CTTNBP2NL: variants seen among roughly 807,000 people sequenced by gnomAD.
The protein encoded by CTTNBP2NL is CTTNBP2 N-terminal-like protein.
CTTNBP2NL carries 16 observed loss-of-function variants against 32.5 expected under a neutral mutation model. The ratio of observed to expected loss-of-function variants is 0.49; its 90% CI spans 0.33 to 0.75. CTTNBP2NL has a LOEUF of 0.75. CTTNBP2NL is among the 30% of genes least tolerant of loss of function. The pLI is 0.02. For missense variants in CTTNBP2NL, 645 were observed against 756.0 expected (o/e 0.85, Z 1.72); for synonymous variants, 298 against 289.4 (o/e 1.03, Z -0.30).
intron 1 of CTTNBP2NL, among the ~76,000 whole-genome samples, chr1:112,406,944 T>C (rs766142211): frequency 6.6e-6 from 1 of 152,232 alleles, no homozygotes; most frequent in Non-Finnish European, 1.5e-5. Flanking sequence ...GTTGGCAGTA[T>C]TGAATAAACA....
At position 112,456,461 on chromosome 1, in the gene CTTNBP2NL, T is replaced by G; in HGVS notation, c.969T>G (p.His323Gln). ...QTESFPAERT[H>Q]GSNIAKMTNT... ...AGAGTTTTCCAGCAGAAAGAACCCA[T>G]GGGAGCAACATAGCCAAGATGACAA... Residue 323 changes from histidine to glutamine, a missense_variant, in exon 6 of 6, where the codon CAT (histidine) becomes CAG (glutamine). His to Gln is a conservative substitution (Grantham distance 24). Coordinates refer to ENST00000271277, the MANE Select transcript of CTTNBP2NL (RefSeq NM_018704.3). The G allele has an allele frequency of 6.2e-7, 1 of 1,614,086 alleles. No homozygotes were observed. Among genetic ancestry groups the G allele is most frequent in the Non-Finnish European group, 8.5e-7 (1 of 1,180,010 alleles).
chr1:112,416,276 GA>G lies in CTTNBP2NL; in HGVS notation c.99+23del, dbSNP rs370406156. On this transcript the variant is annotated intron_variant, in intron 3 of 5. Coordinates refer to ENST00000271277, the MANE Select transcript of CTTNBP2NL (RefSeq NM_018704.3). ...TAGAAGCCTTAAAGGTATGTTAAAAGAAAAAAAAAAAGAGGTCATCATACAT... is the reference window on the plus strand; with the variant it reads ...TAGAAGCCTTAAAGGTATGTTAAAAGAAAAAAAAAAGAGGTCATCATACAT... The G allele has an allele frequency of 0.036, 33,522 of 930,536 alleles. 280 individuals are homozygous for G. The highest frequency in any genetic ancestry group is 0.12 in the African/African-American group (6,744 of 56,290). 57.6% of individuals were successfully genotyped at this position (930,536 alleles called of 1,614,324 possible).
chr1:112,403,924 A>G (rs1450637167), intron 1 of CTTNBP2NL, among the ~76,000 whole-genome samples: 1 of 152,242 alleles, frequency 6.6e-6, no homozygotes, highest in Non-Finnish European at 1.5e-5. Flanking sequence ...GACAATGATG[A>G]CCCATTGGAA....
intron 1 of CTTNBP2NL, among the ~76,000 whole-genome samples, chr1:112,409,129 A>G (rs1216354726): frequency 6.9e-6 from 1 of 145,472 alleles, no homozygotes; most frequent in Non-Finnish European, 1.5e-5. Flanking sequence ...CTCTGTCTCA[A>G]AAAAAAAAAA....
At chr1:112,417,147 AT>A (rs1649091266) in intron 3 of CTTNBP2NL, among the ~76,000 whole-genome samples, 1 of 152,120 alleles carries the variant, frequency 6.6e-6, no homozygotes, top group Non-Finnish European at 1.5e-5. Flanking sequence ...TTTCTCTTTT[AT>A]AGTTTTACCG....
chr1:112,425,436 A>G (rs1332201394), intron 3 of CTTNBP2NL, among the ~76,000 whole-genome samples: 2 of 152,140 alleles, frequency 1.3e-5, no homozygotes, highest in Non-Finnish European at 2.9e-5. Context: ...GCGCCACCGC[A>G]CTCCAACCTG....
Position 112,456,278 on chromosome 1 carries a change from C to G in CTTNBP2NL, c.786C>G (p.Thr262=), listed in dbSNP as rs1650359813. ...ACCGAGAAGAGAACCGGACCAAAACCCTGAAAGAAGAAATGGAAAGTTTAA... is the reference window on the plus strand; with the variant it reads ...ACCGAGAAGAGAACCGGACCAAAACGCTGAAAGAAGAAATGGAAAGTTTAA... The part of the protein sequence containing the change: ...KLNREENRTK[T]LKEEMESLKK... The change falls in exon 6 of 6, where the codon ACC becomes ACG. Residue 262 remains threonine, a synonymous_variant. Coordinates refer to ENST00000271277, the MANE Select transcript of CTTNBP2NL (RefSeq NM_018704.3). The G allele has an allele frequency of 1.9e-6, 3 of 1,613,880 alleles. No homozygotes were observed. The highest frequency in any genetic ancestry group is 1.7e-5 in the Admixed American group (1 of 59,970).
At chr1:112,398,322 G>A (rs2492506) in intron 1 of CTTNBP2NL, among the ~76,000 whole-genome samples, 71,033 of 151,966 alleles carry the variant, frequency 0.47, 18,394 homozygotes, top group African/African-American at 0.7. Context: ...GTCATGCTAG[G>A]TGAAGAAAAG....
At chr1:112,406,542 G>A (rs939693601) in intron 1 of CTTNBP2NL, among the ~76,000 whole-genome samples, 4 of 152,164 alleles carry the variant, frequency 2.6e-5, no homozygotes, top group Non-Finnish European at 5.9e-5. Context: ...TGATGAATTT[G>A]TTGGGGATGG....
intron 1 of CTTNBP2NL, among the ~76,000 whole-genome samples, chr1:112,411,844 G>A (rs115804864): frequency 0.018 from 2,672 of 152,222 alleles, 81 homozygotes; most frequent in African/African-American, 0.061. Context: ...CACCACGCCC[G>A]GCTAAATCTA....
chr1:112,408,866 C>T (rs562253480), intron 1 of CTTNBP2NL, among the ~76,000 whole-genome samples: 1 of 152,118 alleles, frequency 6.6e-6, no homozygotes, highest in East Asian at 1.9e-4. Flanking sequence ...GTGGCTCACA[C>T]CTATAATCCC....
At chr1:112,405,126 T>C (rs1648621795) in intron 1 of CTTNBP2NL, among the ~76,000 whole-genome samples, 1 of 152,268 alleles carries the variant, frequency 6.6e-6, no homozygotes, top group African/African-American at 2.4e-5. Context: ...TATTCTGATG[T>C]TAAAAGACAT....
rs199780260 is a variant in CTTNBP2NL at position 112,456,785 on chromosome 1, G to A, written c.1293G>A (p.Pro431=). The A allele has an allele frequency of 1.0e-4, 168 of 1,613,908 alleles. 1 individual carries two copies. Among genetic ancestry groups the A allele is most frequent in the South Asian group, 2.4e-4 (22 of 91,068 alleles). The change falls in exon 6 of 6, where the codon CCG becomes CCA. Residue 431 remains proline, a synonymous_variant. Transcript: ENST00000271277. ...SSLTSSPCSS[P]VLTKRLLGSS... ...TAACATCCTCTCCTTGCTCTTCGCC[G>A]GTACTCACTAAGCGTTTATTGGGGT...
chr1:112,400,650 G>T (rs1477137574), intron 1 of CTTNBP2NL, among the ~76,000 whole-genome samples: 1 of 152,128 alleles, frequency 6.6e-6, no homozygotes, highest in East Asian at 1.9e-4. Context: ...AAATTAACAG[G>T]GTGTGGTGGC....
At chr1:112,451,697 G>T (rs1650223779) in intron 4 of CTTNBP2NL, among the ~76,000 whole-genome samples, 2 of 150,142 alleles carry the variant, frequency 1.3e-5, no homozygotes, top group South Asian at 4.2e-4. Flanking sequence ...TTGAGCCCAG[G>T]AGGTGGAGGT....
At chr1:112,442,682 G>A in intron 3 of CTTNBP2NL, among the ~76,000 whole-genome samples, 1 of 151,680 alleles carries the variant, frequency 6.6e-6, no homozygotes, top group East Asian at 1.9e-4. Context: ...ACATTATTCT[G>A]TTACTCATAT....
chr1:112,426,693 G>C (rs2101011938), intron 3 of CTTNBP2NL, among the ~76,000 whole-genome samples: 1 of 142,814 alleles, frequency 7.0e-6, no homozygotes, highest in South Asian at 2.2e-4. Flanking sequence ...TGCTACCTCT[G>C]CCTCCTGGAT....
At chr1:112,406,333 GT>G (rs926167405) in intron 1 of CTTNBP2NL, among the ~76,000 whole-genome samples, 2 of 152,206 alleles carry the variant, frequency 1.3e-5, no homozygotes, top group African/African-American at 4.8e-5. Flanking sequence ...TTTAGCTGAG[GT>G]TTTTCCACCA....
At chr1:112,398,941 T>G (rs2995761) in intron 1 of CTTNBP2NL, among the ~76,000 whole-genome samples, 19,582 of 151,978 alleles carry the variant, frequency 0.13, 4,136 homozygotes, top group African/African-American at 0.44. Flanking sequence ...ATTTTAGGAT[T>G]TTATTGTTCT....
Sources: gnomAD v4.1 joint callset for allele counts (sites outside exome capture counted in the v4.1 genomes callset) on GRCh38, gnomAD v4.1.1 for gene constraint, MANE v1.5 for transcripts, NCBI Gene and HGNC (gene_info 2026-07-23, HGNC 2026-07-21) for gene names.